Variants in EFEMP1 observed in about 807,000 individuals in gnomAD.
EFEMP1 encodes EGF-like fibulin extracellular matrix protein 1, also known as EGF-containing fibulin-like extracellular matrix protein 1.
In EFEMP1, 18 loss-of-function variants were observed where a neutral mutation model predicts 65.7. The observed-to-expected ratio is 0.27, with a 90% CI of 0.19 to 0.41. EFEMP1 has a LOEUF of 0.41. EFEMP1 is among the 10% of genes least tolerant of loss of function. EFEMP1 has a pLI of 1.00. For synonymous variants in EFEMP1, 237 were observed against 219.7 expected, an observed-to-expected ratio of 1.08 and a Z score of -0.70; for missense variants, 469 against 624.8, an observed-to-expected ratio of 0.75 and a Z score of 2.66.
chr2:55,922,242 T>G lies in EFEMP1; in HGVS notation c.81+118A>C. 1 of 956,178 alleles carries G rather than the reference T, an allele frequency of 1.0e-6. No homozygotes were observed. The highest frequency in any genetic ancestry group is 1.7e-6 in the Non-Finnish European group (1 of 597,662). The allele number at this position is 956,178 out of a possible 1,614,324, so 59.2% of individuals were successfully genotyped here. On this transcript the variant is annotated intron_variant, in intron 3 of 11. Transcript: ENST00000355426. This position sits in a 1 kb window ranked among gnomAD's most constrained non-coding sequence, Gnocchi z 5.5. ...GATATGAAGCATGAATGAAGTGTTG[T>G]TTAATTTATCACCCTCAGCAGAGTA...
chr2:55,868,465 G>T (rs896246794), intron 11 of EFEMP1, among the ~76,000 whole-genome samples: 1 of 152,112 alleles, frequency 6.6e-6, no homozygotes, highest in Non-Finnish European at 1.5e-5. Flanking sequence ...GGCAGTGTGG[G>T]GGATGTTGGA....
intron 5 of EFEMP1, among the ~76,000 whole-genome samples, chr2:55,913,631 GT>G (rs1215455360): frequency 3.3e-5 from 5 of 151,136 alleles, no homozygotes; most frequent in Non-Finnish European, 7.4e-5. Flanking sequence ...AGGAATGGAA[GT>G]CTTAGAAAGT....
chr2:55,919,273 C>T lies in EFEMP1; in HGVS notation c.82-1006G>A, dbSNP rs1199622199. Among the ~76,000 whole-genome samples the T allele has an allele frequency of 6.6e-6, 1 of 152,190 alleles. No individual in the cohort carries two copies. The highest frequency in any genetic ancestry group is 1.5e-5 in the Non-Finnish European group (1 of 68,034). On this transcript the variant is annotated intron_variant, in intron 3 of 11. Transcript: ENST00000355426. The surrounding 1 kb of genome is among the most constrained non-coding windows in gnomAD (Gnocchi z 4.5). ...AAAGCCTTTCTTTAGGAATGGAAGC[C>T]TGAATTCTACCCTGAAGGTCAGTGA... is the stretch of plus-strand genomic sequence containing the variant.
rs753559844 is a variant in EFEMP1 at position 55,921,103 on chromosome 2, G to A, written c.81+1257C>T. On this transcript the variant is annotated intron_variant, in intron 3 of 11. Transcript: ENST00000355426. This position sits in a 1 kb window ranked among gnomAD's most constrained non-coding sequence, Gnocchi z 4.1. Reference sequence around the variant, plus strand: ...GGAAAAGAAGTAAAATCTTTTATGAGATGATTATAAAAGTGGGTAGTGAAT... The same window carrying A: ...GGAAAAGAAGTAAAATCTTTTATGAAATGATTATAAAAGTGGGTAGTGAAT... Among the ~76,000 whole-genome samples, 13 of 152,212 alleles carry A rather than the reference G, an allele frequency of 8.5e-5. No homozygotes were observed. The highest frequency in any genetic ancestry group is 1.5e-4 in the Non-Finnish European group (10 of 68,044).
At chr2:55,902,620 G>C (rs1424749107) in intron 5 of EFEMP1, among the ~76,000 whole-genome samples, 1 of 152,202 alleles carries the variant, frequency 6.6e-6, no homozygotes, top group Non-Finnish European at 1.5e-5. Flanking sequence ...CAGTGATCTA[G>C]CTTTTAAAGC....
intron 5 of EFEMP1, among the ~76,000 whole-genome samples, chr2:55,893,330 G>A (rs1669703468): frequency 6.6e-6 from 1 of 152,044 alleles, no homozygotes; most frequent in Non-Finnish European, 1.5e-5. Flanking sequence ...CAAGAATTAG[G>A]AGTTCAGGGG....
Position 55,870,999 on chromosome 2 carries a change from C to T in EFEMP1, c.1124+1G>A. The T allele has an allele frequency of 1.2e-6, 2 of 1,613,704 alleles. No homozygotes were observed. The highest frequency in any genetic ancestry group is 1.1e-5 in the South Asian group (1 of 91,078). ...CTTTCAAAAGTTCTGATTTTTCTTA[C>T]TTCTCTGGTGTTAGAATGTAGGGAT... On this transcript the variant is annotated splice_donor_variant, in intron 10 of 11. Coordinates refer to ENST00000355426, the MANE Select transcript of EFEMP1 (RefSeq NM_001039348.3). LOFTEE classifies it high-confidence loss of function. The surrounding 1 kb of genome is among the most constrained non-coding windows in gnomAD (Gnocchi z 5.8).
rs1670997918 is a variant in EFEMP1, at chr2:55,923,660, C to T, written c.-49+51G>A. 1.0e-6 allele frequency: 1 copy of T among 985,770 alleles called. No homozygotes were observed. Among genetic ancestry groups the T allele is most frequent in the Non-Finnish European group, 1.2e-6 (1 of 830,280 alleles). 61.1% of individuals were successfully genotyped at this position (985,770 alleles called of 1,614,324 possible). A position where few individuals can be genotyped will look rare whatever the true frequency, so the allele number is the denominator to read the frequency against. On this transcript the variant is annotated intron_variant, in intron 1 of 11. Transcript: ENST00000355426. This position sits in a 1 kb window ranked among gnomAD's most constrained non-coding sequence, Gnocchi z 5.3. Reference sequence around the variant, plus strand: ...CCCCACCTCACTCTCCCGCGCGCGGCCCAGTGAGTACTGGGCTCGCTCGGG... The same window carrying T: ...CCCCACCTCACTCTCCCGCGCGCGGTCCAGTGAGTACTGGGCTCGCTCGGG...
intron 6 of EFEMP1, among the ~76,000 whole-genome samples, chr2:55,878,100 T>C (rs150261800): frequency 1.3e-5 from 2 of 152,274 alleles, no homozygotes; most frequent in East Asian, 3.9e-4. Flanking sequence ...GTGGGTGGAT[T>C]GAGATTTAAA....
At chr2:55,906,969 A>G (rs1670304037) in intron 5 of EFEMP1, among the ~76,000 whole-genome samples, 2 of 152,254 alleles carry the variant, frequency 1.3e-5, no homozygotes, top group African/African-American at 4.8e-5. Context: ...CTCAGAGGTT[A>G]TACCTCAGCA....
chr2:55,889,152 A>C (rs1669541700), intron 5 of EFEMP1, among the ~76,000 whole-genome samples: 1 of 152,246 alleles, frequency 6.6e-6, no homozygotes, highest in African/African-American at 2.4e-5. Flanking sequence ...TCCTTCAGGC[A>C]AATCATCACT....
chr2:55,915,692 A>G (rs1670651275), intron 5 of EFEMP1, among the ~76,000 whole-genome samples: 1 of 152,304 alleles, frequency 6.6e-6, no homozygotes, highest in East Asian at 1.9e-4. Context: ...TCAGTATATA[A>G]AAGTTGATAC....
rs190512871 is a variant in EFEMP1, at chr2:55,871,299, G to C, written c.1001-176C>G. On this transcript the variant is annotated intron_variant, in intron 9 of 11. Coordinates refer to ENST00000355426, the MANE Select transcript of EFEMP1 (RefSeq NM_001039348.3). The surrounding 1 kb of genome is among the most constrained non-coding windows in gnomAD (Gnocchi z 4.2). ...CATTGTATTGAATTCAGGACAGACA[G>C]AGCTGAGACATTCTAGGCAGATTAA... 8.9e-4 allele frequency among the ~76,000 whole-genome samples: 135 copies of C among 152,244 alleles called. No homozygotes were observed. Among genetic ancestry groups the C allele is most frequent in the Admixed American group, 1.6e-3 (24 of 15,272 alleles).
Position 55,866,984 on chromosome 2 carries a change from C to T in EFEMP1, c.*89G>A. 2 of 1,499,218 alleles carry T rather than the reference C, an allele frequency of 1.3e-6. No individual in the cohort carries two copies. The highest frequency in any genetic ancestry group is 1.9e-6 in the Non-Finnish European group (2 of 1,080,938). The allele number at this position is 1,499,218 out of a possible 1,614,324, so 92.9% of individuals were successfully genotyped here. On this transcript the variant is annotated 3_prime_UTR_variant, in exon 12 of 12. Coordinates refer to ENST00000355426, the MANE Select transcript of EFEMP1 (RefSeq NM_001039348.3). ...AGTGTACAGTATAGAGATGTAGATGCACTAGATATATCTATAAATAAAATA... is the reference window on the plus strand; with the variant it reads ...AGTGTACAGTATAGAGATGTAGATGTACTAGATATATCTATAAATAAAATA...
At position 55,867,737 on chromosome 2, in the gene EFEMP1, A is replaced by G. The variant is rs1433009391; in HGVS notation, c.1321-503T>C. ...TGAAGATACATAAAGGTGTATGTAT[A>G]AAGGGAAGAAAAGGAAGAGCCCTGA... is the stretch of plus-strand genomic sequence containing the variant. On this transcript the variant is annotated intron_variant, in intron 11 of 11. Coordinates refer to ENST00000355426, the MANE Select transcript of EFEMP1 (RefSeq NM_001039348.3). This position sits in a 1 kb window ranked among gnomAD's most constrained non-coding sequence, Gnocchi z 4.3. 1.3e-5 allele frequency among the ~76,000 whole-genome samples: 2 copies of G among 152,182 alleles called. No homozygotes were observed. The highest frequency in any genetic ancestry group is 2.4e-5 in the African/African-American group (1 of 41,442).
chr2:55,922,865 C>G lies in EFEMP1; in HGVS notation c.-8+34G>C. 1.7e-6 allele frequency: 2 copies of G among 1,155,384 alleles called. No individual in the cohort carries two copies. The highest frequency in any genetic ancestry group is 3.8e-5 in the South Asian group (2 of 52,890). The allele number at this position is 1,155,384 out of a possible 1,614,324, so 71.6% of individuals were successfully genotyped here. A position where few individuals can be genotyped will look rare whatever the true frequency, so the allele number is the denominator to read the frequency against. On this transcript the variant is annotated intron_variant, in intron 2 of 11. Coordinates refer to ENST00000355426, the MANE Select transcript of EFEMP1 (RefSeq NM_001039348.3). The surrounding 1 kb of genome is among the most constrained non-coding windows in gnomAD (Gnocchi z 5.5). ...GGAGGTGGGGCTGCAAAACTCTGTT[C>G]TCTAGAACGTTAAGGCTTTCCCAGT...
intron 8 of EFEMP1, among the ~76,000 whole-genome samples, chr2:55,875,333 T>TACACACACACACACACACACACACACAC (rs1340819904): frequency 3.9e-5 from 5 of 126,880 alleles, no homozygotes; most frequent in African/African-American, 1.6e-4. Flanking sequence ...GGGTTTCATA[T>TACACACACACACACACACACACACACAC]ATACACACAC....
At chr2:55,888,847 A>G (rs1669526848) in intron 5 of EFEMP1, among the ~76,000 whole-genome samples, 2 of 152,144 alleles carry the variant, frequency 1.3e-5, no homozygotes, top group Admixed American at 6.5e-5. Context: ...TTCAAAGTGG[A>G]TGGCCTTGGG....
Position 55,922,600 on chromosome 2 carries a change from C to G in EFEMP1, c.-7-153G>C, listed in dbSNP as rs1361872634. 2.8e-6 allele frequency: 2 copies of G among 722,566 alleles called. No individual in the cohort carries two copies. Among genetic ancestry groups the G allele is most frequent in the South Asian group, 1.5e-5 (1 of 65,592 alleles). The allele number at this position is 722,566 out of a possible 1,614,324, so 44.8% of individuals were successfully genotyped here. Reference sequence around the variant, plus strand: ...AATCTGCTTTCTCATCTCCCCTCCCCCTCCTGAACCTTCTCGGTAGCCAAC... The same window carrying G: ...AATCTGCTTTCTCATCTCCCCTCCCGCTCCTGAACCTTCTCGGTAGCCAAC... On this transcript the variant is annotated intron_variant, in intron 2 of 11. Coordinates refer to ENST00000355426, the MANE Select transcript of EFEMP1 (RefSeq NM_001039348.3). This position sits in a 1 kb window ranked among gnomAD's most constrained non-coding sequence, Gnocchi z 5.5.
Sources: gnomAD v4.1 joint callset for allele counts (sites outside exome capture counted in the v4.1 genomes callset) on GRCh38, gnomAD v4.1.1 for gene constraint, Gnocchi (gnomAD v3.1) non-coding constraint, MANE v1.5 for transcripts, NCBI Gene and HGNC (gene_info 2026-07-23, HGNC 2026-07-21) for gene names.